ME3: variants seen among roughly 807,000 people sequenced by gnomAD.
ME3 encodes the protein NADP-dependent malic enzyme, mitochondrial.
ME3 carries 48 observed loss-of-function variants against 68.9 expected under a neutral mutation model. The observed-to-expected ratio is 0.70, with a 90% CI of 0.55 to 0.89. The LOEUF is 0.89. Among genes scored for constraint, ME3 ranks in the 40% least tolerant of loss-of-function variants. ME3 has a pLI of 0.00. For missense variants in ME3, 675 were observed against 797.4 expected (o/e 0.85, Z 1.85); for synonymous variants, 320 against 318.8 (o/e 1.00, Z -0.04).
chr11:86,465,220 GA>G lies in ME3; in HGVS notation c.810-21del. On this transcript the variant is annotated intron_variant, in intron 7 of 14. Coordinates refer to ENST00000543262, the Ensembl canonical transcript of ME3. ...CCAAACCTGTGTGGAGGGAGAGGAA[GA>G]AACCCATGATTGCCTCTCTGAGGCA... 6.4e-7 allele frequency: 1 copy of G among 1,550,876 alleles called. No homozygotes were observed. Among genetic ancestry groups the G allele is most frequent in the Non-Finnish European group, 8.9e-7 (1 of 1,128,368 alleles).
chr11:86,650,632 A>C (rs1274483052), intron 2 of ME3, among the ~76,000 whole-genome samples: 1 of 152,208 alleles, frequency 6.6e-6, no homozygotes. Context: ...AGATGGCCAA[A>C]TAGGAACAGC....
chr11:86,495,956 A>G (rs936470785), intron 6 of ME3, among the ~76,000 whole-genome samples: 24 of 152,188 alleles, frequency 1.6e-4, no homozygotes, highest in South Asian at 2.1e-4. Context: ...TAGTTTTCCC[A>G]CTTTCTTGCT....
chr11:86,556,686 T>A, exon 4 of ME3: 3 of 1,614,052 alleles, frequency 1.9e-6, no homozygotes, highest in Non-Finnish European at 2.5e-6. Context: ...TCTTGGAGTG[T>A]CATGAGAATG....
chr11:86,537,044 C>T (rs1361991169), intron 4 of ME3, among the ~76,000 whole-genome samples: 2 of 150,448 alleles, frequency 1.3e-5, no homozygotes, highest in East Asian at 3.9e-4. Context: ...GAACAAAAAA[C>T]CAAACACCGC....
At chr11:86,563,260 C>T (rs1957328550) in intron 2 of ME3, among the ~76,000 whole-genome samples, 1 of 152,122 alleles carries the variant, frequency 6.6e-6, no homozygotes, top group Admixed American at 6.6e-5. Context: ...TCCGTAGTGG[C>T]TGGACTAATT....
At chr11:86,569,415 G>A (rs1051245277) in intron 2 of ME3, among the ~76,000 whole-genome samples, 1 of 151,858 alleles carries the variant, frequency 6.6e-6, no homozygotes, top group African/African-American at 2.4e-5. Flanking sequence ...ATCCACAGTC[G>A]ACTACCTGCA....
intron 7 of ME3, among the ~76,000 whole-genome samples, chr11:86,471,560 A>T (rs1338353712): frequency 6.6e-6 from 1 of 152,216 alleles, no homozygotes; most frequent in East Asian, 1.9e-4. Flanking sequence ...GTCACATTGT[A>T]TTACAATTAC....
chr11:86,655,793 C>T (rs1210395335), intron 2 of ME3, among the ~76,000 whole-genome samples: 2 of 151,462 alleles, frequency 1.3e-5, no homozygotes, highest in Admixed American at 6.6e-5. Context: ...AAAGAAACTA[C>T]CATCAGAGTG....
At chr11:86,569,413 TCGA>T (rs1449831690) in intron 2 of ME3, among the ~76,000 whole-genome samples, 2 of 152,124 alleles carry the variant, frequency 1.3e-5, no homozygotes, top group Non-Finnish European at 2.9e-5. Flanking sequence ...CAATCCACAG[TCGA>T]CTACCTGCAA....
At chr11:86,672,301 G>A (rs1289244734) in intron 1 of ME3, 23 bp downstream of exon 1, 4 of 223,790 alleles carry the variant, frequency 1.8e-5, no homozygotes, top group Non-Finnish European at 3.5e-5. Context: ...GGCTTGCCTC[G>A]GTCCTCTCCT....
At chr11:86,496,245 A>G (rs553140227) in intron 6 of ME3, among the ~76,000 whole-genome samples, 45 of 152,276 alleles carry the variant, frequency 3.0e-4, no homozygotes, top group African/African-American at 1.1e-3. Flanking sequence ...ATCTCGACTA[A>G]AAATACAAAA....
At chr11:86,644,708 C>T (rs1944888019) in intron 2 of ME3, among the ~76,000 whole-genome samples, 2 of 152,200 alleles carry the variant, frequency 1.3e-5, no homozygotes, top group Admixed American at 1.3e-4. Flanking sequence ...CTGTTATTCT[C>T]TTACACTATA....
intron 2 of ME3, among the ~76,000 whole-genome samples, chr11:86,650,235 T>TG (rs1945310284): frequency 6.6e-6 from 1 of 152,180 alleles, no homozygotes; most frequent in Middle Eastern, 3.2e-3. Context: ...TAAATGGTGT[T>TG]GGGAAAACTG....
chr11:86,527,277 C>A (rs1336491442), intron 4 of ME3, among the ~76,000 whole-genome samples: 1 of 151,818 alleles, frequency 6.6e-6, no homozygotes, highest in Non-Finnish European at 1.5e-5. Context: ...GATGGAAGAT[C>A]AAATGAATGA....
At chr11:86,569,668 T>C (rs1311853283) in intron 2 of ME3, among the ~76,000 whole-genome samples, 1 of 152,118 alleles carries the variant, frequency 6.6e-6, no homozygotes, top group Non-Finnish European at 1.5e-5. Flanking sequence ...ACCCACTAGG[T>C]TGGGTCAGGC....
At position 86,553,853 on chromosome 11, in the gene ME3, C is replaced by T. The variant is rs1184812458; in HGVS notation, c.467+2700G>A. ...CTGCAACGACATCCCACCCAGAATG[C>T]CCACCAGCTGTGCACAGTCCGAAAC... is the stretch of plus-strand genomic sequence containing the variant. On this transcript the variant is annotated intron_variant, in intron 4 of 14. Coordinates refer to ENST00000543262, the Ensembl canonical transcript of ME3. Among the ~76,000 whole-genome samples the T allele has an allele frequency of 3.3e-5, 5 of 152,192 alleles. No individual in the cohort carries two copies. The East Asian group carries it at 9.6e-4, about 29-fold the overall frequency.
At chr11:86,532,455 C>G (rs558663387) in intron 4 of ME3, among the ~76,000 whole-genome samples, 1 of 152,164 alleles carries the variant, frequency 6.6e-6, no homozygotes, top group Non-Finnish European at 1.5e-5. Context: ...CTGGATAGAT[C>G]ATATGTTAGG....
chr11:86,446,274 A>T, intron 13 of ME3, 40 bp downstream of exon 13: 2 of 1,607,698 alleles, frequency 1.2e-6, no homozygotes, highest in Non-Finnish European at 1.7e-6. Flanking sequence ...CAACCCACAG[A>T]CCCTACTGCA....
chr11:86,463,657 A>G (rs1445035901), intron 8 of ME3, among the ~76,000 whole-genome samples: 7 of 152,192 alleles, frequency 4.6e-5, no homozygotes, highest in Non-Finnish European at 1.0e-4. Context: ...GAAGTCATAT[A>G]TTTTAAACTA....
Sources: gnomAD v4.1 joint callset for allele counts (sites outside exome capture counted in the v4.1 genomes callset) on GRCh38, gnomAD v4.1.1 for gene constraint, MANE v1.5 for transcripts, NCBI Gene and HGNC (gene_info 2026-07-23, HGNC 2026-07-21) for gene names.